Variants in RHBDL3 observed in about 807,000 individuals in gnomAD.
The protein encoded by RHBDL3 is rhomboid like 3.
In RHBDL3, 28 loss-of-function variants were observed where a neutral mutation model predicts 48.2. The ratio of observed to expected loss-of-function variants is 0.58; its 90% CI spans 0.43 to 0.80. The LOEUF (loss-of-function observed/expected upper bound fraction) is 0.80, where lower values mean the gene tolerates loss of function less well. RHBDL3 is among the 30% of genes least tolerant of loss of function. The pLI is 0.00. For missense variants in RHBDL3, 464 were observed against 542.7 expected (o/e 0.85, Z 1.44); for synonymous variants, 208 against 232.3 (o/e 0.90, Z 0.95).
intron 2 of RHBDL3, among the ~76,000 whole-genome samples, chr17:32,276,795 C>CACGTG (rs1567763618): frequency 2.0e-5 from 2 of 101,830 alleles, no homozygotes; most frequent in African/African-American, 1.5e-4. Flanking sequence ...GGCCCTAGCA[C>CACGTG]CTTACTCCGG....
At chr17:32,320,894 G>A in intron 8 of RHBDL3, 64 bp from the exon 9 acceptor site, 3 of 1,184,114 alleles carry the variant, frequency 2.5e-6, no homozygotes, top group South Asian at 2.6e-5. Context: ...GGGTGATGAA[G>A]TGAAGGCCCT....
chr17:32,283,198 G>T (rs567960492), intron 2 of RHBDL3, among the ~76,000 whole-genome samples: 1 of 151,970 alleles, frequency 6.6e-6, no homozygotes, highest in East Asian at 1.9e-4. Flanking sequence ...AGCTCCTGGC[G>T]TCCAGGAGAT....
chr17:32,292,999 G>A (rs890990874), intron 4 of RHBDL3, among the ~76,000 whole-genome samples: 17 of 151,690 alleles, frequency 1.1e-4, no homozygotes, highest in African/African-American at 3.1e-4. Context: ...AAAAAAAGGG[G>A]GATCATTCTG....
At chr17:32,310,205 C>T (rs539236282) in intron 7 of RHBDL3, among the ~76,000 whole-genome samples, 1 of 152,290 alleles carries the variant, frequency 6.6e-6, no homozygotes, top group African/African-American at 2.4e-5. Flanking sequence ...TGTTTGAGGT[C>T]TGAATTTTCA....
At chr17:32,294,070 G>A (rs112321133) in intron 4 of RHBDL3, among the ~76,000 whole-genome samples, 2,129 of 150,920 alleles carry the variant, frequency 0.014, 47 homozygotes, top group African/African-American at 0.039. Flanking sequence ...GGAGGTTGCC[G>A]TGAACCGAGA....
At chr17:32,279,908 G>C (rs1197598648) in intron 2 of RHBDL3, among the ~76,000 whole-genome samples, 2 of 152,154 alleles carry the variant, frequency 1.3e-5, no homozygotes. Flanking sequence ...GAGAGAATCT[G>C]GTAGGTCAGT....
At position 32,268,069 on chromosome 17, in the gene RHBDL3, G is replaced by A; in HGVS notation, c.135+144G>A. 5.4e-6 allele frequency: 4 copies of A among 737,240 alleles called. No homozygotes were observed. In the South Asian group the frequency reaches 6.2e-5, roughly 11 times the overall value. 45.7% of individuals were successfully genotyped at this position (737,240 alleles called of 1,614,324 possible). A position where few individuals can be genotyped will look rare whatever the true frequency, so the allele number is the denominator to read the frequency against. On this transcript the variant is annotated intron_variant, in intron 2 of 8. Transcript: ENST00000269051. ...TGTGGCTTTGTGCATCTCTAGGGCT[G>A]AACGACACTGCTCTCCAGGTATCAG...
Position 32,298,017 on chromosome 17 carries a change from G to A in RHBDL3, c.669-75G>A, listed in dbSNP as rs546552442. 203 of 1,065,010 alleles carry A rather than the reference G, an allele frequency of 1.9e-4. 1 individual carries two copies. The African/African-American group carries it at 2.6e-3, about 14-fold the overall frequency. 66.0% of individuals were successfully genotyped at this position (1,065,010 alleles called of 1,614,324 possible). A position where few individuals can be genotyped will look rare whatever the true frequency, so the allele number is the denominator to read the frequency against. ...CTGGATCCCTGGCATCTTGGGGGAT[G>A]CAGGTGTTTGTTGAATGAATGAATG... On this transcript the variant is annotated intron_variant, in intron 5 of 8. Transcript: ENST00000269051.
intron 7 of RHBDL3, among the ~76,000 whole-genome samples, chr17:32,311,538 A>G (rs1160545562): frequency 1.3e-5 from 2 of 152,232 alleles, no homozygotes; most frequent in African/African-American, 2.4e-5. Context: ...TCAGCTCACC[A>G]TTCACTCACT....
intron 2 of RHBDL3, chr17:32,284,332 A>G (rs2040142522): frequency 4.6e-6 from 1 of 216,844 alleles, no homozygotes; most frequent in Non-Finnish European, 9.1e-6. Flanking sequence ...CCCAGGCCCC[A>G]GAAGTTTCTC....
intron 2 of RHBDL3, among the ~76,000 whole-genome samples, chr17:32,277,676 G>A (rs916787278): frequency 2.6e-5 from 4 of 152,380 alleles, no homozygotes; most frequent in Non-Finnish European, 4.4e-5. Flanking sequence ...CTACTCATGG[G>A]GCGGAAGTGA....
chr17:32,283,507 TAG>T (rs1185037758), intron 2 of RHBDL3, among the ~76,000 whole-genome samples: 1 of 151,860 alleles, frequency 6.6e-6, no homozygotes, highest in African/African-American at 2.4e-5. Context: ...GTATTTTTAG[TAG>T]AGACGGGGTT....
At chr17:32,310,714 A>G (rs1295689184) in intron 7 of RHBDL3, among the ~76,000 whole-genome samples, 1 of 113,130 alleles carries the variant, frequency 8.8e-6, no homozygotes, top group East Asian at 2.0e-4. Flanking sequence ...CTCCGTCTAA[A>G]AAAAATATAT....
At chr17:32,283,541 T>G (rs944987672) in intron 2 of RHBDL3, among the ~76,000 whole-genome samples, 3 of 151,900 alleles carry the variant, frequency 2.0e-5, no homozygotes, top group Non-Finnish European at 2.9e-5. Flanking sequence ...GCCAGGATGG[T>G]CTCCATCTCC....
At position 32,266,317 on chromosome 17, in the gene RHBDL3, C is replaced by A. The variant is rs9889253; in HGVS notation, c.111+17C>A. 3.6e-6 allele frequency: 5 copies of A among 1,379,258 alleles called. No individual in the cohort carries two copies. The highest frequency in any genetic ancestry group is 4.8e-6 in the Non-Finnish European group (5 of 1,043,884). The allele number at this position is 1,379,258 out of a possible 1,614,324, so 85.4% of individuals were successfully genotyped here. ...CCGGAGGACGTGAGTGCCCCCTCCCCGCCCGGCAAACTTTCTAGGGGGCGC... is the reference window on the plus strand; with the variant it reads ...CCGGAGGACGTGAGTGCCCCCTCCCAGCCCGGCAAACTTTCTAGGGGGCGC... On this transcript the variant is annotated intron_variant, in intron 1 of 8. Coordinates refer to ENST00000269051, the MANE Select transcript of RHBDL3 (RefSeq NM_138328.3).
At chr17:32,310,723 A>G (rs1356793419) in intron 7 of RHBDL3, among the ~76,000 whole-genome samples, 1 of 145,086 alleles carries the variant, frequency 6.9e-6, no homozygotes, top group Non-Finnish European at 1.5e-5. Context: ...AAAAAAATAT[A>G]TATATAAAAA....
intron 7 of RHBDL3, among the ~76,000 whole-genome samples, chr17:32,314,487 A>G (rs1277535517): frequency 6.6e-6 from 1 of 152,040 alleles, no homozygotes; most frequent in Non-Finnish European, 1.5e-5. Context: ...CCAGCCGGGT[A>G]TCACCTTTAA....
At chr17:32,285,201 G>GA (rs1297157017) in intron 3 of RHBDL3, among the ~76,000 whole-genome samples, 1 of 152,116 alleles carries the variant, frequency 6.6e-6, no homozygotes, top group Admixed American at 6.5e-5. Flanking sequence ...AGAGGAGAGA[G>GA]AAACCCTTCT....
In RHBDL3 at chr17:32,288,836, G is replaced by A. The variant is rs758828871; in HGVS notation, c.339G>A (p.Gln113=). Residue 113 remains glutamine, a synonymous_variant, in exon 4 of 9, where the codon CAG becomes CAA. Transcript: ENST00000269051. The part of the protein sequence containing the change: ...RSNSFRQAIL[Q]GNRRLSSKAL... ...ACAGCTTCCGCCAAGCCATCCTGCA[G>A]GGCAACCGCAGGCTAAGCAGCAAGG... The A allele has an allele frequency of 5.0e-6, 8 of 1,613,930 alleles. No individual in the cohort carries two copies. The South Asian group carries it at 8.8e-5, about 18-fold the overall frequency.
Sources: gnomAD v4.1 joint callset for allele counts (sites outside exome capture counted in the v4.1 genomes callset) on GRCh38, gnomAD v4.1.1 for gene constraint, MANE v1.5 for transcripts, NCBI Gene and HGNC (gene_info 2026-07-23, HGNC 2026-07-21) for gene names.